GUCA1C: variants seen among roughly 807,000 people sequenced by gnomAD.
The protein encoded by GUCA1C is guanylyl cyclase-activating protein 3.
Under a neutral mutation model 16.2 loss-of-function variants are expected in GUCA1C, and 15 were observed. That is an observed-to-expected ratio of 0.93 (90% CI 0.62 to 1.43). GUCA1C has a LOEUF of 1.43. Ranked by LOEUF, GUCA1C falls within the 40% of genes most tolerant of loss-of-function variation. The pLI, the probability that GUCA1C is intolerant of heterozygous loss-of-function variation, is 0.00. For missense variants in GUCA1C, 275 were observed against 244.8 expected, an observed-to-expected ratio of 1.12 and a Z score of -0.82; for synonymous variants, 78 against 85.4, an observed-to-expected ratio of 0.91 and a Z score of 0.48.
intron 1 of GUCA1C, among the ~76,000 whole-genome samples, chr3:108,941,792 C>T (rs1312628263): frequency 6.6e-6 from 1 of 152,236 alleles, no homozygotes; most frequent in Non-Finnish European, 1.5e-5. Context: ...TGACTTTCTG[C>T]TCTGAGACTC....
At chr3:108,925,166 T>C (rs1946611901) in intron 1 of GUCA1C, among the ~76,000 whole-genome samples, 1 of 152,112 alleles carries the variant, frequency 6.6e-6, no homozygotes, top group Non-Finnish European at 1.5e-5. Context: ...TATTTTCTTC[T>C]GCTGGGTTTA....
At chr3:108,938,854 G>A (rs559794484) in intron 1 of GUCA1C, among the ~76,000 whole-genome samples, 1 of 152,300 alleles carries the variant, frequency 6.6e-6, no homozygotes, top group South Asian at 2.1e-4. Context: ...TTTACCAAAT[G>A]AGCTCTTGAT....
At chr3:108,933,416 G>A (rs1946690936) in intron 1 of GUCA1C, among the ~76,000 whole-genome samples, 1 of 152,170 alleles carries the variant, frequency 6.6e-6, no homozygotes, top group Non-Finnish European at 1.5e-5. Flanking sequence ...GGGGGGCTAG[G>A]GGAGGAGGTG....
intron 2 of GUCA1C, among the ~76,000 whole-genome samples, chr3:108,916,958 T>G (rs1352314008): frequency 1.3e-5 from 2 of 152,228 alleles, no homozygotes; most frequent in African/African-American, 4.8e-5. Flanking sequence ...GCAACATATT[T>G]CAATTAGAGG....
intron 1 of GUCA1C, among the ~76,000 whole-genome samples, chr3:108,923,716 C>T (rs61457099): frequency 0.43 from 64,998 of 151,692 alleles, 14,196 homozygotes; most frequent in African/African-American, 0.45. Context: ...ATGGGAGTTG[C>T]GTTTAATTTG....
At chr3:108,932,924 C>CA (rs57918246) in intron 1 of GUCA1C, among the ~76,000 whole-genome samples, 13,894 of 68,580 alleles carry the variant, frequency 0.2, 1,032 homozygotes, top group Non-Finnish European at 0.32. Flanking sequence ...AAAAAAATCT[C>CA]AAAAAAAAAA....
At chr3:108,932,941 A>G (rs11921829) in intron 1 of GUCA1C, among the ~76,000 whole-genome samples, 9,455 of 149,254 alleles carry the variant, frequency 0.063, 1,021 homozygotes, top group African/African-American at 0.22. Context: ...AAAAAAAAAA[A>G]AAGAAGAAGT....
chr3:108,948,336 T>C (rs1377151498), intron 1 of GUCA1C, among the ~76,000 whole-genome samples: 1 of 152,184 alleles, frequency 6.6e-6, no homozygotes, highest in Non-Finnish European at 1.5e-5. Flanking sequence ...CCCGCCACCA[T>C]GTAAAGACGT....
chr3:108,926,338 T>G (rs2107292230), intron 1 of GUCA1C, among the ~76,000 whole-genome samples: 1 of 152,348 alleles, frequency 6.6e-6, no homozygotes, highest in South Asian at 2.1e-4. Flanking sequence ...GGTGAGTCTC[T>G]TGAAGGCAGC....
In GUCA1C at chr3:108,920,463, G is replaced by T; in HGVS notation, c.327C>A (p.Asp109Glu). 6.2e-7 allele frequency: 1 copy of T among 1,608,316 alleles called. No individual in the cohort carries two copies. Among genetic ancestry groups the T allele is most frequent in the Non-Finnish European group, 8.5e-7 (1 of 1,175,346 alleles). The change falls in exon 2 of 4, where the codon GAC becomes GAA. Residue 109 changes from aspartate (D) to glutamate (E), a missense_variant. By Grantham distance (45) the Asp-to-Glu change is conservative. Transcript: ENST00000261047. ...LYDADGNGSIDKNELLDMFMA... is the reference protein window; with the variant it reads ...LYDADGNGSIEKNELLDMFMA... ...TGAACATGTCCAGTAGTTCATTTTT[G>T]TCAATAGAACCATTTCCATCAGCAT...
chr3:108,953,547 G>C lies in GUCA1C; in HGVS notation c.204+12C>G. ...AGCATTTTCAAATGAAATGAAAAAT[G>C]AAAGATCTTACCTTGTTCGTGTCAA... is the stretch of plus-strand genomic sequence containing the variant. On this transcript the variant is annotated intron_variant, in intron 1 of 3. Coordinates refer to ENST00000261047, the MANE Select transcript of GUCA1C (RefSeq NM_005459.4). The C allele has an allele frequency of 6.7e-7, 1 of 1,493,508 alleles. No homozygotes were observed. The highest frequency in any genetic ancestry group is 9.3e-7 in the Non-Finnish European group (1 of 1,071,726). The allele number at this position is 1,493,508 out of a possible 1,614,324, so 92.5% of individuals were successfully genotyped here.
intron 2 of GUCA1C, among the ~76,000 whole-genome samples, chr3:108,918,350 G>A (rs1946538051): frequency 6.6e-6 from 1 of 152,160 alleles, no homozygotes; most frequent in Admixed American, 6.5e-5. Flanking sequence ...TCCTCTCACA[G>A]TGTTCCATGC....
intron 1 of GUCA1C, among the ~76,000 whole-genome samples, chr3:108,923,560 A>G (rs941605773): frequency 6.6e-6 from 1 of 152,172 alleles, no homozygotes; most frequent in African/African-American, 2.4e-5. Context: ...ATGGCCTTAT[A>G]GTATAATTTG....
rs924910877 is a variant in GUCA1C, at chr3:108,916,360, A to G, written c.355-146T>C. 8.9e-6 allele frequency: 6 copies of G among 674,424 alleles called. No homozygotes were observed. The Admixed American group carries it at 1.5e-4, about 17-fold the overall frequency. 41.8% of individuals were successfully genotyped at this position (674,424 alleles called of 1,614,324 possible). On this transcript the variant is annotated intron_variant, in intron 2 of 3. Transcript: ENST00000261047. Reference sequence around the variant, plus strand: ...CAGTTGTTAAAAGTAAATAAAAAGAAAAGATTGTATGTCAGTTCTGGGTAA... The same window carrying G: ...CAGTTGTTAAAAGTAAATAAAAAGAGAAGATTGTATGTCAGTTCTGGGTAA...
chr3:108,930,083 C>T (rs896988664), intron 1 of GUCA1C, among the ~76,000 whole-genome samples: 5 of 152,258 alleles, frequency 3.3e-5, no homozygotes, highest in South Asian at 2.1e-4. Flanking sequence ...ACCTGGCATA[C>T]GTAAATGTTC....
intron 1 of GUCA1C, among the ~76,000 whole-genome samples, chr3:108,939,667 A>T (rs895420711): frequency 4.0e-5 from 6 of 151,780 alleles, no homozygotes; most frequent in Non-Finnish European, 8.8e-5. Context: ...TGTAACTAAA[A>T]GTCAGAAGAA....
At chr3:108,925,944 A>G (rs1280872898) in intron 1 of GUCA1C, among the ~76,000 whole-genome samples, 1 of 152,014 alleles carries the variant, frequency 6.6e-6, no homozygotes, top group Non-Finnish European at 1.5e-5. Context: ...AAAATTAGCC[A>G]GGCATGGTGG....
In GUCA1C at chr3:108,935,883, G is replaced by A. The variant is rs1946722561; in HGVS notation, c.205-15298C>T. 2.0e-5 allele frequency among the ~76,000 whole-genome samples: 3 copies of A among 152,134 alleles called. No individual in the cohort carries two copies. The South Asian group carries it at 6.2e-4, about 32-fold the overall frequency. On this transcript the variant is annotated intron_variant, in intron 1 of 3. Transcript: ENST00000261047. ...CAGAAAACCAGAAGTGGAATATATG[G>A]TCTTCAGGCAATGTTCATGAGCTCC...
At chr3:108,925,559 G>T (rs1002891715) in intron 1 of GUCA1C, among the ~76,000 whole-genome samples, 2 of 152,102 alleles carry the variant, frequency 1.3e-5, no homozygotes, top group Non-Finnish European at 1.5e-5. Context: ...TCTATCTTGA[G>T]AATGTCCCAT....
Sources: gnomAD v4.1 joint callset for allele counts (sites outside exome capture counted in the v4.1 genomes callset) on GRCh38, gnomAD v4.1.1 for gene constraint, MANE v1.5 for transcripts, NCBI Gene and HGNC (gene_info 2026-07-23, HGNC 2026-07-21) for gene names.